The following SATB2 variants were observed in gnomAD, a reference collection of about 807,000 sequenced individuals.
The protein encoded by SATB2 is DNA-binding protein SATB2.
A neutral mutation model predicts 73.4 loss-of-function variants in SATB2; 1 was observed. The ratio of observed to expected loss-of-function variants is 0.01; its 90% confidence interval spans 0.00 to 0.06. SATB2 has a LOEUF of 0.06. SATB2 is among the 10% of genes least tolerant of loss of function. SATB2 has a pLI of 1.00. For synonymous variants in SATB2, 397 were observed against 367.0 expected (o/e 1.08, Z -0.93); for missense variants, 459 against 945.8 (o/e 0.49, Z 6.75).
intron 3 of SATB2, among the ~76,000 whole-genome samples, chr2:199,427,167 C>T (rs1293375217): frequency 6.6e-6 from 1 of 152,108 alleles, no homozygotes; most frequent in Non-Finnish European, 1.5e-5. Context: ...AATGAGTCAT[C>T]GTGCACAGCC....
At chr2:199,304,436 T>G (rs183557216) in intron 10 of SATB2, among the ~76,000 whole-genome samples, 1 of 152,198 alleles carries the variant, frequency 6.6e-6, no homozygotes, top group Non-Finnish European at 1.5e-5. Context: ...AGAAACATTA[T>G]GTAGATTAGT....
chr2:199,338,534 G>A (rs999716834), intron 7 of SATB2, among the ~76,000 whole-genome samples: 5 of 152,166 alleles, frequency 3.3e-5, no homozygotes, highest in African/African-American at 9.7e-5. Context: ...CCAAAAGTGA[G>A]TTTTCTTTAG....
chr2:199,285,416 C>G (rs1199390553), intron 10 of SATB2, among the ~76,000 whole-genome samples: 2 of 152,066 alleles, frequency 1.3e-5, no homozygotes, highest in Non-Finnish European at 2.9e-5. Context: ...CTCCTAGATA[C>G]ACAACTCAGC....
At chr2:199,458,415 T>C (rs1280220214), upstream of SATB2, 2 of 377,728 alleles carry the variant, frequency 5.3e-6, no homozygotes, top group Non-Finnish European at 1.0e-5. Context: ...GAGGACCTCA[T>C]GCACGAGGCG....
intron 10 of SATB2, among the ~76,000 whole-genome samples, chr2:199,277,068 T>A (rs538855211): frequency 5.3e-5 from 8 of 152,138 alleles, no homozygotes; most frequent in Admixed American, 3.9e-4. Flanking sequence ...GACCAAAAAC[T>A]GTATGATTCC....
chr2:199,466,513 A>G (rs138653744), upstream of SATB2, among the ~76,000 whole-genome samples: 101 of 152,284 alleles, frequency 6.6e-4, no homozygotes, highest in African/African-American at 2.3e-3. Flanking sequence ...GTCTCTCAGT[A>G]TCAGGAAGTT....
intron 6 of SATB2, among the ~76,000 whole-genome samples, chr2:199,367,177 G>A (rs1689310705): frequency 6.6e-6 from 1 of 152,132 alleles, no homozygotes; most frequent in Non-Finnish European, 1.5e-5. Flanking sequence ...AACACTTACA[G>A]AAAAGAAACC....
chr2:199,278,383 G>T (rs1692382554), intron 10 of SATB2, among the ~76,000 whole-genome samples: 1 of 152,186 alleles, frequency 6.6e-6, no homozygotes, highest in African/African-American at 2.4e-5. Flanking sequence ...CGTTCACTCA[G>T]TCACATCAGC....
At position 199,272,553 on chromosome 2, in the gene SATB2, C is replaced by A; in HGVS notation, c.1860G>T (p.Lys620Asn). 6.2e-7 allele frequency: 1 copy of A among 1,614,134 alleles called. No homozygotes were observed. The highest frequency in any genetic ancestry group is 1.1e-5 in the South Asian group (1 of 91,076). ...GGATCCCCAGGGCTTCTAAGGAGAT[C>A]TTTGTGCGAGACCGGGGCTTTTTGG... ...SCAKKPRSRTKISLEALGILQ... is the reference protein window; with the variant it reads ...SCAKKPRSRTNISLEALGILQ... Residue 620 changes from lysine to asparagine, a missense_variant, in exon 11 of 11, where the codon AAG (lysine) becomes AAT (asparagine). Lys to Asn is a moderately conservative substitution (Grantham distance 94). This residue lies in a region of SATB2 where 74 missense variants were observed against 136.1 expected (regional missense o/e 0.54). Coordinates refer to ENST00000417098, the MANE Select transcript of SATB2 (RefSeq NM_001172509.2). The surrounding 1 kb of genome is among the most constrained non-coding windows in gnomAD (Gnocchi z 6.7).
upstream of SATB2, among the ~76,000 whole-genome samples, chr2:199,466,568 C>T (rs1574654755): frequency 1.3e-5 from 2 of 152,242 alleles, no homozygotes; most frequent in East Asian, 3.9e-4. Flanking sequence ...AAGGAAAGTG[C>T]AGGGCCAAGT....
At chr2:199,289,296 A>C (rs7564989) in intron 10 of SATB2, among the ~76,000 whole-genome samples, 138,246 of 152,132 alleles carry the variant, frequency 0.91, 64,301 homozygotes, top group Non-Finnish European at 1. Context: ...GTTTAGATCA[A>C]GGCTTTCTCA....
chr2:199,418,904 C>T (rs1350301967), intron 3 of SATB2, among the ~76,000 whole-genome samples: 2 of 152,108 alleles, frequency 1.3e-5, no homozygotes, highest in Non-Finnish European at 1.5e-5. Context: ...CCACTCATTA[C>T]AAATCAAATG....
chr2:199,434,076 A>T (rs1409533137), intron 2 of SATB2, among the ~76,000 whole-genome samples: 1 of 152,134 alleles, frequency 6.6e-6, no homozygotes, highest in Non-Finnish European at 1.5e-5. Flanking sequence ...GAATATAATA[A>T]AGTCAATAGA....
chr2:199,416,216 C>T (rs996732122), intron 3 of SATB2, among the ~76,000 whole-genome samples: 2 of 152,122 alleles, frequency 1.3e-5, no homozygotes, highest in Non-Finnish European at 2.9e-5. Context: ...GTGGATTATA[C>T]TTTGTAGGAA....
rs1443434804 is a variant in SATB2 at position 199,422,898 on chromosome 2, A to C, written c.346+10440T>G. Among the ~76,000 whole-genome samples the C allele has an allele frequency of 3.3e-5, 5 of 152,234 alleles. No individual in the cohort carries two copies. In the East Asian group the frequency reaches 9.6e-4, roughly 29 times the overall value. On this transcript the variant is annotated intron_variant, in intron 3 of 10. Coordinates refer to ENST00000417098, the MANE Select transcript of SATB2 (RefSeq NM_001172509.2). ...CTTCAATTTCCCTCACAAAAGCAAA[A>C]CCATGACTTAATATAAGCTAATTGT...
At chr2:199,440,572 T>C (rs2105937356) in intron 2 of SATB2, among the ~76,000 whole-genome samples, 1 of 152,314 alleles carries the variant, frequency 6.6e-6, no homozygotes, top group East Asian at 1.9e-4. Flanking sequence ...ATCATTTGGA[T>C]GCAAAGGGAG....
chr2:199,376,299 T>C (rs1027304607), intron 5 of SATB2, among the ~76,000 whole-genome samples: 2 of 152,374 alleles, frequency 1.3e-5, no homozygotes, highest in African/African-American at 4.8e-5. Flanking sequence ...TAGTTCAAAA[T>C]GTTTTGGAAC....
chr2:199,344,028 A>T (rs745412679), intron 7 of SATB2, among the ~76,000 whole-genome samples: 1 of 152,228 alleles, frequency 6.6e-6, no homozygotes, highest in Non-Finnish European at 1.5e-5. Flanking sequence ...ACTCTCGCCA[A>T]TATGGTCTGT....
chr2:199,399,301 T>G (rs571460377), intron 3 of SATB2, among the ~76,000 whole-genome samples: 1 of 152,280 alleles, frequency 6.6e-6, no homozygotes, highest in African/African-American at 2.4e-5. Context: ...TAATTTAATT[T>G]AAAAGATTTT....
Sources: gnomAD v4.1 joint callset for allele counts (sites outside exome capture counted in the v4.1 genomes callset) on GRCh38, gnomAD v4.1.1 for gene constraint, gnomAD v4.1.1 regional missense constraint, Gnocchi (gnomAD v3.1) non-coding constraint, MANE v1.5 for transcripts, NCBI Gene and HGNC (gene_info 2026-07-23, HGNC 2026-07-21) for gene names.